The following HTR2A variants were observed in gnomAD, a reference collection of about 807,000 sequenced individuals.
The protein encoded by HTR2A is 5-HT2 receptor.
In HTR2A, 14 loss-of-function variants were observed where a neutral mutation model predicts 31.0. The ratio of observed to expected loss-of-function variants is 0.45; its 90% CI spans 0.30 to 0.71. The LOEUF (loss-of-function observed/expected upper bound fraction) is 0.71. Ranked by LOEUF, HTR2A falls within the 30% of genes least tolerant of loss-of-function variation. The probability of loss-of-function intolerance (pLI) is 0.09; values close to 1 mark genes in which losing one functional copy is unlikely to be tolerated. For synonymous variants in HTR2A, 209 were observed against 225.2 expected, an observed-to-expected ratio of 0.93 and a Z score of 0.64; for missense variants, 442 against 573.3, an observed-to-expected ratio of 0.77 and a Z score of 2.34.
chr13:46,892,594 TG>T lies in HTR2A; in HGVS notation c.413-5del. Reference sequence around the variant, plus strand: ...CTCGGCAGAGGCCACCGGTACCCTATGAGGCAGAAGGTTGGTGTCAGTGAGC... The same window carrying T: ...CTCGGCAGAGGCCACCGGTACCCTATAGGCAGAAGGTTGGTGTCAGTGAGC... On this transcript the variant is annotated splice_region_variant and splice_polypyrimidine_tract_variant and intron_variant, in intron 2 of 3. Coordinates refer to ENST00000542664, the MANE Select transcript of HTR2A (RefSeq NM_000621.5). 6.2e-7 allele frequency: 1 copy of T among 1,613,950 alleles called. No individual in the cohort carries two copies. The highest frequency in any genetic ancestry group is 1.1e-5 in the South Asian group (1 of 91,072).
intron 3 of HTR2A, among the ~76,000 whole-genome samples, chr13:46,882,542 T>C (rs1593442235): frequency 6.6e-6 from 1 of 152,244 alleles, no homozygotes; most frequent in East Asian, 1.9e-4. Flanking sequence ...GGAAAAGGCT[T>C]TTGTAGCAAT....
intron 3 of HTR2A, among the ~76,000 whole-genome samples, chr13:46,861,794 A>C (rs1459720996): frequency 1.3e-5 from 2 of 152,206 alleles, no homozygotes; most frequent in Admixed American, 1.3e-4. Context: ...ATTTTTACCT[A>C]TCTTACAATT....
At chr13:46,890,330 C>T (rs537312848) in intron 3 of HTR2A, among the ~76,000 whole-genome samples, 19 of 152,274 alleles carry the variant, frequency 1.2e-4, no homozygotes, top group African/African-American at 2.4e-4. Context: ...GCAACAAGAG[C>T]GAAACTTCAT....
At chr13:46,837,022 C>G (rs1021277246) in intron 3 of HTR2A, among the ~76,000 whole-genome samples, 4 of 152,224 alleles carry the variant, frequency 2.6e-5, no homozygotes, top group Admixed American at 6.5e-5. Flanking sequence ...TGAGATAATA[C>G]AGGGGAACAT....
rs111479517 is a variant in HTR2A, at chr13:46,896,032, G to T, written c.-126C>A. On this transcript the variant is annotated 5_prime_UTR_variant, in exon 2 of 4. Coordinates refer to ENST00000542664, the MANE Select transcript of HTR2A (RefSeq NM_000621.5). ...GGCTGGTGTACATGCTGTTCTCCCG[G>T]GGCTGGATTTTTGTCTTCCATTATT... 1 of 1,425,432 alleles carries T rather than the reference G, an allele frequency of 7.0e-7. No homozygotes were observed. 88.3% of individuals were successfully genotyped at this position (1,425,432 alleles called of 1,614,324 possible). A position where few individuals can be genotyped will look rare whatever the true frequency, so the allele number is the denominator to read the frequency against.
intron 3 of HTR2A, among the ~76,000 whole-genome samples, chr13:46,879,825 T>C (rs1174553290): frequency 3.3e-5 from 5 of 151,826 alleles, no homozygotes; most frequent in Admixed American, 1.3e-4. Flanking sequence ...GGCAACACAT[T>C]GAAAGCCCAT....
chr13:46,888,194 G>A (rs1951024061), intron 3 of HTR2A, among the ~76,000 whole-genome samples: 1 of 152,134 alleles, frequency 6.6e-6, no homozygotes. Context: ...TGGGGCAGAA[G>A]CAATATTTGA....
At chr13:46,866,322 C>G (rs925547291) in intron 3 of HTR2A, among the ~76,000 whole-genome samples, 2 of 152,032 alleles carry the variant, frequency 1.3e-5, no homozygotes, top group Admixed American at 1.3e-4. Flanking sequence ...AGCCTGGCCT[C>G]GTGGTTCCTC....
rs993497996 is a variant in HTR2A at position 46,896,784 on chromosome 13, A to G, written c.-439T>C. The G allele has an allele frequency of 6.5e-7, 1 of 1,536,920 alleles. No homozygotes were observed. The highest frequency in any genetic ancestry group is 8.7e-7 in the Non-Finnish European group (1 of 1,146,666). On this transcript the variant is annotated 5_prime_UTR_variant, in exon 1 of 4. An upstream start codon of the reference 5' UTR is lost. Transcript: ENST00000542664. ...CCCCTCTTCTTGATCTTCCACCAGC[A>G]TAATATGATAGTAATTTGGTTTCTG...
At chr13:46,894,551 G>A (rs1438607856) in intron 2 of HTR2A, among the ~76,000 whole-genome samples, 1 of 152,198 alleles carries the variant, frequency 6.6e-6, no homozygotes, top group African/African-American at 2.4e-5. Context: ...CTAGGGCTGG[G>A]TTGATGTTTT....
At chr13:46,837,665 G>T (rs906358874) in intron 3 of HTR2A, among the ~76,000 whole-genome samples, 1 of 152,198 alleles carries the variant, frequency 6.6e-6, no homozygotes, top group African/African-American at 2.4e-5. Context: ...GGTTTTTGGA[G>T]AATCTCTAAT....
intron 3 of HTR2A, among the ~76,000 whole-genome samples, chr13:46,846,420 G>T (rs1218302221): frequency 6.6e-6 from 1 of 152,084 alleles, no homozygotes; most frequent in Non-Finnish European, 1.5e-5. Context: ...CTCTTGTTTG[G>T]TGCTAACAGA....
chr13:46,896,819 C>T lies in HTR2A; in HGVS notation c.-474G>A, dbSNP rs1334562886. 6.5e-7 allele frequency: 1 copy of T among 1,537,014 alleles called. No individual in the cohort carries two copies. The highest frequency in any genetic ancestry group is 2.0e-5 in the Admixed American group (1 of 50,930). Reference sequence around the variant, plus strand: ...AGTAATTTGGTTTCTGTTTTGCTGACTTCAAAAACTGCATGCAAGAGCTGA... The same window carrying T: ...AGTAATTTGGTTTCTGTTTTGCTGATTTCAAAAACTGCATGCAAGAGCTGA... On this transcript the variant is annotated 5_prime_UTR_variant, in exon 1 of 4. Transcript: ENST00000542664.
chr13:46,842,241 T>C (rs570005822), intron 3 of HTR2A, among the ~76,000 whole-genome samples: 77 of 152,320 alleles, frequency 5.1e-4, no homozygotes, highest in Non-Finnish European at 8.1e-4. Context: ...CTAGGCTGCA[T>C]ATTTAGCAAC....
At chr13:46,840,695 A>T (rs1292673021) in intron 3 of HTR2A, among the ~76,000 whole-genome samples, 1 of 152,154 alleles carries the variant, frequency 6.6e-6, no homozygotes, top group African/African-American at 2.4e-5. Context: ...TGTTCCTTTG[A>T]AGGTAGTTAC....
At chr13:46,861,291 A>AC (rs539412303) in intron 3 of HTR2A, among the ~76,000 whole-genome samples, 240 of 152,300 alleles carry the variant, frequency 1.6e-3, no homozygotes, top group African/African-American at 5.6e-3. Flanking sequence ...GAAGTGATTT[A>AC]CTTTTTTTTT....
At position 46,896,156 on chromosome 13, in the gene HTR2A, A is replaced by G; in HGVS notation, c.-250T>C. Reference sequence around the variant, plus strand: ...TTTGGTTTTATTATTTTCTCACCAAACCGAGGACAAAAAAGCAGAATGAAC... The same window carrying G: ...TTTGGTTTTATTATTTTCTCACCAAGCCGAGGACAAAAAAGCAGAATGAAC... On this transcript the variant is annotated 5_prime_UTR_variant, in exon 2 of 4. Transcript: ENST00000542664. 2.5e-6 allele frequency: 3 copies of G among 1,221,420 alleles called. No individual in the cohort carries two copies. Among genetic ancestry groups the G allele is most frequent in the Non-Finnish European group, 3.1e-6 (3 of 981,540 alleles). The allele number at this position is 1,221,420 out of a possible 1,614,324, so 75.7% of individuals were successfully genotyped here. A position where few individuals can be genotyped will look rare whatever the true frequency, so the allele number is the denominator to read the frequency against.
chr13:46,878,944 A>G (rs1950937933), intron 3 of HTR2A, among the ~76,000 whole-genome samples: 1 of 152,236 alleles, frequency 6.6e-6, no homozygotes, highest in South Asian at 2.1e-4. Context: ...TAAATGATGG[A>G]AGAATTTCTG....
chr13:46,853,785 A>C (rs58691219), intron 3 of HTR2A, among the ~76,000 whole-genome samples: 10,270 of 151,968 alleles, frequency 0.068, 746 homozygotes, highest in African/African-American at 0.18. Context: ...TCCATCTAAA[A>C]CATCTTAGTT....
Sources: gnomAD v4.1 joint callset for allele counts (sites outside exome capture counted in the v4.1 genomes callset) on GRCh38, gnomAD v4.1.1 for gene constraint, MANE v1.5 for transcripts, NCBI Gene and HGNC (gene_info 2026-07-23, HGNC 2026-07-21) for gene names.